Variants in EXT1 observed in about 807,000 individuals in gnomAD.
EXT1 encodes the protein exostosin glycosyltransferase 1, also known as exostosin-1.
In EXT1, 20 loss-of-function variants were observed where a neutral mutation model predicts 82.5. The observed-to-expected ratio is 0.24, with a 90% CI of 0.17 to 0.35. The LOEUF (loss-of-function observed/expected upper bound fraction) is 0.35, where lower values mean the gene tolerates loss of function less well. Among genes scored for constraint, EXT1 ranks in the 10% least tolerant of loss-of-function variants. The probability of loss-of-function intolerance (pLI) is 1.00; values close to 1 mark genes in which losing one functional copy is unlikely to be tolerated. For synonymous variants in EXT1, 348 were observed against 350.8 expected (o/e 0.99, Z 0.09); for missense variants, 757 against 936.5 (o/e 0.81, Z 2.50).
chr8:117,824,231 T>C (rs1416715121), intron 4 of EXT1, among the ~76,000 whole-genome samples: 1 of 152,166 alleles, frequency 6.6e-6, no homozygotes, highest in African/African-American at 2.4e-5. Context: ...CAGACAAATA[T>C]CATGGAACTC....
At chr8:118,003,907 C>G (rs914131981) in intron 1 of EXT1, among the ~76,000 whole-genome samples, 1 of 152,066 alleles carries the variant, frequency 6.6e-6, no homozygotes, top group African/African-American at 2.4e-5. Context: ...TTGCTTTTAG[C>G]ACAATAAACA....
At chr8:117,844,137 C>CTATTACTATTAT (rs1554580590) in intron 1 of EXT1, among the ~76,000 whole-genome samples, 1 of 142,532 alleles carries the variant, frequency 7.0e-6, no homozygotes, top group African/African-American at 2.6e-5. Context: ...ATTTCAATTA[C>CTATTACTATTAT]TATTATTATT....
At chr8:117,865,207 G>A (rs971761782) in intron 1 of EXT1, among the ~76,000 whole-genome samples, 1 of 152,058 alleles carries the variant, frequency 6.6e-6, no homozygotes, top group South Asian at 2.1e-4. Flanking sequence ...TTGCTTTGTC[G>A]CTCAGGCTGG....
intron 1 of EXT1, among the ~76,000 whole-genome samples, chr8:117,881,798 G>A (rs1034337406): frequency 1.3e-5 from 2 of 152,118 alleles, no homozygotes; most frequent in African/African-American, 4.8e-5. Flanking sequence ...TTTTGTGGTC[G>A]AAGTGATGAG....
chr8:118,071,283 C>T (rs889774137), intron 1 of EXT1, among the ~76,000 whole-genome samples: 2 of 152,024 alleles, frequency 1.3e-5, no homozygotes, highest in African/African-American at 2.4e-5. Flanking sequence ...TTATAGATTG[C>T]CATCTAATGA....
intron 4 of EXT1, among the ~76,000 whole-genome samples, chr8:117,824,137 C>T (rs966241429): frequency 2.0e-5 from 3 of 151,344 alleles, no homozygotes; most frequent in African/African-American, 7.3e-5. Flanking sequence ...ATTTATGTAC[C>T]TTTTAGGATG....
In EXT1 at chr8:117,814,038, A is replaced by AAGAAGAAGG. The variant is rs553473850; in HGVS notation, c.1633-1086_1633-1078dup. Among the ~76,000 whole-genome samples, 8 of 151,732 alleles carry AAGAAGAAGG rather than the reference A, an allele frequency of 5.3e-5. 1 individual carries two copies. Among genetic ancestry groups the AAGAAGAAGG allele is most frequent in the Middle Eastern group, 3.4e-3 (1 of 294 alleles). ...AAAAAAGAGAAGAAGAAGAAGAAGA[A>AAGAAGAAGG]AGAAGAAGGAGGAGAAGGAGGAGAA... On this transcript the variant is annotated intron_variant, in intron 7 of 10. Transcript: ENST00000378204.
intron 1 of EXT1, among the ~76,000 whole-genome samples, chr8:117,979,329 C>T (rs781068080): frequency 6.6e-6 from 1 of 150,896 alleles, no homozygotes; most frequent in Non-Finnish European, 1.5e-5. Flanking sequence ...ACTCCAGCCT[C>T]GGCGACAGAG....
chr8:117,938,381 G>A (rs1399869318), intron 1 of EXT1, among the ~76,000 whole-genome samples: 1 of 152,196 alleles, frequency 6.6e-6, no homozygotes, highest in African/African-American at 2.4e-5. Flanking sequence ...AGAATTGCTT[G>A]AGGCCAGGAG....
chr8:118,073,364 T>C lies in EXT1; in HGVS notation c.962+36721A>G, dbSNP rs546473215. ...GGCAGGGTGCAGTGGCTCACCCCTG[T>C]AATCCCAGCACTTTGGGAGGCCAAG... On this transcript the variant is annotated intron_variant, in intron 1 of 10. Coordinates refer to ENST00000378204, the MANE Select transcript of EXT1 (RefSeq NM_000127.3). Among the ~76,000 whole-genome samples the C allele has an allele frequency of 2.6e-5, 4 of 152,352 alleles. No individual in the cohort carries two copies. In the South Asian group the frequency reaches 8.3e-4, roughly 32 times the overall value.
chr8:118,103,010 G>A (rs568771713), intron 1 of EXT1, among the ~76,000 whole-genome samples: 12 of 152,226 alleles, frequency 7.9e-5, no homozygotes, highest in African/African-American at 1.9e-4. Flanking sequence ...AAAATTAGCC[G>A]AGTGTGGTGG....
At chr8:118,102,767 G>T in intron 1 of EXT1, among the ~76,000 whole-genome samples, 2 of 152,226 alleles carry the variant, frequency 1.3e-5, no homozygotes, top group Middle Eastern at 3.4e-3. Flanking sequence ...AATTAGGAAA[G>T]AAATTTAATT....
chr8:117,874,567 C>A (rs1468991530), intron 1 of EXT1, among the ~76,000 whole-genome samples: 1 of 74,100 alleles, frequency 1.3e-5, no homozygotes, highest in African/African-American at 6.7e-5. Flanking sequence ...CAAAGTGAGA[C>A]TCTGCCTCAA....
intron 1 of EXT1, among the ~76,000 whole-genome samples, chr8:117,930,889 G>A (rs954240781): frequency 2.0e-5 from 3 of 152,200 alleles, no homozygotes; most frequent in Admixed American, 6.5e-5. Context: ...GGCAACAAAG[G>A]TGACCTCTAG....
intron 7 of EXT1, among the ~76,000 whole-genome samples, chr8:117,815,201 C>G (rs976196177): frequency 6.6e-6 from 1 of 152,224 alleles, no homozygotes; most frequent in Non-Finnish European, 1.5e-5. Context: ...ACTGCCCTGA[C>G]CTTTCCCTTG....
At chr8:117,944,352 T>C (rs1814345127) in intron 1 of EXT1, among the ~76,000 whole-genome samples, 3 of 152,270 alleles carry the variant, frequency 2.0e-5, no homozygotes, top group East Asian at 1.9e-4. Context: ...GTGAGCAAGA[T>C]TGTGCCACTG....
intron 1 of EXT1, among the ~76,000 whole-genome samples, chr8:117,989,182 A>G (rs931840546): frequency 2.0e-5 from 3 of 152,156 alleles, no homozygotes; most frequent in Non-Finnish European, 4.4e-5. Flanking sequence ...AAGCCATAGC[A>G]GAGGCAAAAC....
chr8:118,024,086 G>T (rs759981990), intron 1 of EXT1, among the ~76,000 whole-genome samples: 1 of 152,134 alleles, frequency 6.6e-6, no homozygotes, highest in Non-Finnish European at 1.5e-5. Context: ...GCCCCATTAA[G>T]CCATGAAAAT....
At position 117,980,697 on chromosome 8, in the gene EXT1, G is replaced by GTTTTTTTTTTTTTTTTTTTTTTTTT. The variant is rs1491146564; in HGVS notation, c.962+129387_962+129388insAAAAAAAAAAAAAAAAAAAAAAAAA. ...AAGGTTTGTTTGTTCGGGTGTTGGT[G>GTTTTTTTTTTTTTTTTTTTTTTTTT]GTTTTTTTTTTTTTTTTTTTTTTTT... On this transcript the variant is annotated intron_variant, in intron 1 of 10. Transcript: ENST00000378204. Among the ~76,000 whole-genome samples, 4 of 27,584 alleles carry GTTTTTTTTTTTTTTTTTTTTTTTTT rather than the reference G, an allele frequency of 1.5e-4. 2 individuals carry two copies. The highest frequency in any genetic ancestry group is 2.4e-4 in the Non-Finnish European group (4 of 16,976). 18.1% of individuals were successfully genotyped at this position (27,584 alleles called of 152,430 possible). A position where few individuals can be genotyped will look rare whatever the true frequency, so the allele number is the denominator to read the frequency against.
Sources: allele counts gnomAD v4.1 joint callset (sites outside exome capture counted in the v4.1 genomes callset), GRCh38; gene constraint gnomAD v4.1.1; transcripts MANE v1.5; gene names NCBI Gene and HGNC (gene_info 2026-07-23, HGNC 2026-07-21).